The following ZNF160 variants were observed in gnomAD, a reference collection of about 807,000 sequenced individuals.
The protein encoded by ZNF160 is zinc finger protein 160, also known as KRAB zinc finger protein KR18.
In ZNF160, 9 loss-of-function variants were observed where a neutral mutation model predicts 13.1. That is an observed-to-expected ratio of 0.69 (90% CI 0.41 to 1.20). The LOEUF (loss-of-function observed/expected upper bound fraction) is 1.20. Among genes scored for constraint, ZNF160 ranks in the 50% most tolerant of loss-of-function variants. The pLI, the probability that ZNF160 is intolerant of heterozygous loss-of-function variation, is 0.01. For synonymous variants in ZNF160, 293 were observed against 333.2 expected (o/e 0.88, Z 1.31); for missense variants, 838 against 988.0 (o/e 0.85, Z 2.04).
chr19:53,099,937 C>T (rs1005109915), intron 1 of ZNF160, among the ~76,000 whole-genome samples: 5 of 152,200 alleles, frequency 3.3e-5, no homozygotes, highest in Admixed American at 1.3e-4. Context: ...TTTCTCACGC[C>T]TCCCCTGGAA....
intron 1 of ZNF160, among the ~76,000 whole-genome samples, chr19:53,102,190 A>T (rs1237752026): frequency 1.3e-5 from 2 of 151,508 alleles, no homozygotes. Context: ...TTTTCTTTCC[A>T]ATCTTTTCAT....
chr19:53,066,733 T>C lies in ZNF160; in HGVS notation c.*1344A>G, dbSNP rs1415817314. 1 of 152,224 alleles carries C rather than the reference T, an allele frequency of 6.6e-6. No individual in the cohort carries two copies. The highest frequency in any genetic ancestry group is 1.9e-4 in the East Asian group (1 of 5,192). The allele number at this position is 152,224 out of a possible 1,614,324, so 9.4% of individuals were successfully genotyped here. On this transcript the variant is annotated 3_prime_UTR_variant, in exon 6 of 6. Coordinates refer to ENST00000683776, the MANE Select transcript of ZNF160 (RefSeq NM_001322131.2). ...TGAGTTCTACTAAAGAATATGTTAC[T>C]CTACTTCTGTTGATTAAACTCTTCA...
Position 53,068,456 on chromosome 19 carries a change from G to T in ZNF160, c.2078C>A (p.Ala693Glu), listed in dbSNP as rs755029475. Residue 693 changes from alanine to glutamate, a missense_variant, in exon 6 of 6, where the codon GCA (alanine) becomes GAA (glutamate). Physicochemically the swap from Ala to Glu is moderately radical, Grantham distance 107. Coordinates refer to ENST00000683776, the MANE Select transcript of ZNF160 (RefSeq NM_001322131.2). The part of the protein sequence containing the change: ...GKVFTQNSHL[A>E]NHQRTHTGEK... ...TCCGGTGTGAGTCCTTTGATGATTT[G>T]CAAGGTGTGAGTTCTGAGTGAAGAC... is the stretch of plus-strand genomic sequence containing the variant. 3 of 1,613,842 alleles carry T rather than the reference G, an allele frequency of 1.9e-6. No individual in the cohort carries two copies. In the South Asian group the frequency reaches 3.3e-5, roughly 18 times the overall value.
At chr19:53,098,928 CACAGGA>C (rs1309386829) in intron 1 of ZNF160, among the ~76,000 whole-genome samples, 2 of 150,366 alleles carry the variant, frequency 1.3e-5, no homozygotes, top group Non-Finnish European at 2.9e-5. Flanking sequence ...AATAAATAGC[CACAGGA>C]AGTTTAGACC....
intron 1 of ZNF160, among the ~76,000 whole-genome samples, chr19:53,098,957 A>C (rs1422980491): frequency 6.7e-6 from 1 of 149,982 alleles, no homozygotes; most frequent in Admixed American, 6.6e-5. Flanking sequence ...TTACGGATGA[A>C]ATTTCCAGAA....
At chr19:53,075,382 T>C in intron 3 of ZNF160, 199 bp from the exon 4 acceptor site, 2 of 601,004 alleles carry the variant, frequency 3.3e-6, no homozygotes, top group South Asian at 4.0e-5. Flanking sequence ...ATCAGTGGAG[T>C]GATAAGTATC....
At position 53,067,249 on chromosome 19, in the gene ZNF160, G is replaced by A. The variant is rs1013764828; in HGVS notation, c.*828C>T. 3.3e-5 allele frequency: 5 copies of A among 152,092 alleles called. No homozygotes were observed. The highest frequency in any genetic ancestry group is 1.2e-4 in the African/African-American group (5 of 41,410). 9.4% of individuals were successfully genotyped at this position (152,092 alleles called of 1,614,324 possible). A position where few individuals can be genotyped will look rare whatever the true frequency, so the allele number is the denominator to read the frequency against. On this transcript the variant is annotated 3_prime_UTR_variant, in exon 6 of 6. Transcript: ENST00000683776. ...TCCCACAAAAATCCCAATGTCCTAA[G>A]GTCTTGGCCTGCTCCATTTCATGTT...
chr19:53,078,789 G>C (rs1320660333), intron 3 of ZNF160, among the ~76,000 whole-genome samples: 2 of 124,280 alleles, frequency 1.6e-5, no homozygotes, highest in Non-Finnish European at 3.3e-5. Context: ...AAGGCAACTG[G>C]AGCAGCAATC....
At chr19:53,078,510 G>A (rs2084496564) in intron 3 of ZNF160, among the ~76,000 whole-genome samples, 1 of 152,104 alleles carries the variant, frequency 6.6e-6, no homozygotes. Flanking sequence ...GGAGGCTGAG[G>A]CAGAAGAATC....
At chr19:53,080,943 G>A (rs1409931482) in intron 3 of ZNF160, among the ~76,000 whole-genome samples, 1 of 151,956 alleles carries the variant, frequency 6.6e-6, no homozygotes, top group East Asian at 1.9e-4. Context: ...TGATCTTCAA[G>A]AAAATCAACA....
rs975452010 is a variant in ZNF160, at chr19:53,072,316, G to A, written c.271+1824C>T. Reference sequence around the variant, plus strand: ...AGGATTTCACCATGTTGGTCGGGCCGGTCTCGAACTCCTGACCTTGTTATC... The same window carrying A: ...AGGATTTCACCATGTTGGTCGGGCCAGTCTCGAACTCCTGACCTTGTTATC... On this transcript the variant is annotated intron_variant, in intron 5 of 5. Transcript: ENST00000683776. Among the ~76,000 whole-genome samples, 14 of 152,140 alleles carry A rather than the reference G, an allele frequency of 9.2e-5. 1 individual carries two copies. The highest frequency in any genetic ancestry group is 2.6e-4 in the Admixed American group (4 of 15,280).
At chr19:53,084,807 C>T (rs1163636540) in intron 3 of ZNF160, 1 of 152,086 alleles carries the variant, frequency 6.6e-6, no homozygotes, top group Non-Finnish European at 1.5e-5. Context: ...ACCTCTGCAC[C>T]TGGGGTAGGG....
chr19:53,100,924 A>C (rs2085424351), intron 1 of ZNF160, among the ~76,000 whole-genome samples: 1 of 151,666 alleles, frequency 6.6e-6, no homozygotes, highest in Non-Finnish European at 1.5e-5. Flanking sequence ...TGGAGGTGGC[A>C]GTGAGCCAAG....
chr19:53,069,979 A>G lies in ZNF160; in HGVS notation c.555T>C (p.Phe185=). The G allele has an allele frequency of 6.2e-7, 1 of 1,614,156 alleles. No homozygotes were observed. The highest frequency in any genetic ancestry group is 2.2e-5 in the East Asian group (1 of 44,880). Residue 185 remains phenylalanine (F), a synonymous_variant, in exon 6 of 6, where the codon TTT becomes TTC. Coordinates refer to ENST00000683776, the MANE Select transcript of ZNF160 (RefSeq NM_001322131.2). The surrounding 1 kb of genome is among the most constrained non-coding windows in gnomAD (Gnocchi z 4.4). ...KLMNNQLGVS[F]HSHLPELQLF... is the part of the protein sequence containing the mutation. ...GCTGCAGTTCAGGCAGATGAGAATG[A>G]AAGCTTACTCCAAGCTGATTGTTCA... is the stretch of plus-strand genomic sequence containing the variant.
At chr19:53,094,090 T>C (rs1049967753) in intron 1 of ZNF160, among the ~76,000 whole-genome samples, 2 of 152,204 alleles carry the variant, frequency 1.3e-5, no homozygotes, top group African/African-American at 4.8e-5. Context: ...CGAAAGCTTC[T>C]TGATCTACAA....
At chr19:53,073,651 A>C (rs2084268949) in intron 5 of ZNF160, 2 of 1,185,632 alleles carry the variant, frequency 1.7e-6, no homozygotes, top group Non-Finnish European at 1.1e-6. Context: ...ACCAAGAAAG[A>C]AAGCAGTTTC....
chr19:53,069,338 C>T lies in ZNF160; in HGVS notation c.1196G>A (p.Cys399Tyr). ...ACTAAAGGCTTTGCCGCACTCATTG[C>T]ACTTGTAAGGTTTCTCTCCAGTGTG... is the stretch of plus-strand genomic sequence containing the variant. ...RIHTGEKPYK[C>Y]NECGKAFSVR... The change falls in exon 6 of 6, where the codon TGC (cysteine) becomes TAC (tyrosine). Residue 399 changes from cysteine to tyrosine, a missense_variant. Coordinates refer to ENST00000683776, the MANE Select transcript of ZNF160 (RefSeq NM_001322131.2). The surrounding 1 kb of genome is among the most constrained non-coding windows in gnomAD (Gnocchi z 4.4). The T allele has an allele frequency of 6.2e-7, 1 of 1,613,940 alleles. No individual in the cohort carries two copies. Among genetic ancestry groups the T allele is most frequent in the Non-Finnish European group, 8.5e-7 (1 of 1,179,838 alleles).
rs888354568 is a variant in ZNF160, at chr19:53,068,204, G to A, written c.2330C>T (p.Thr777Ile). 9 of 1,614,080 alleles carry A rather than the reference G, an allele frequency of 5.6e-6. No individual in the cohort carries two copies. Among genetic ancestry groups the A allele is most frequent in the Non-Finnish European group, 5.9e-6 (7 of 1,180,038 alleles). ...TCCAGTGTGGATTGCCATATGGGTA[G>A]TTAGACTTGATCTTACCCTAAAGGC... ...GKAFRVRSSL[T>I]THMAIHTGEK... Residue 777 changes from threonine to isoleucine, a missense_variant, in exon 6 of 6, where the codon ACT (threonine) becomes ATT (isoleucine). Thr to Ile is a moderately conservative substitution (Grantham distance 89). Coordinates refer to ENST00000683776, the MANE Select transcript of ZNF160 (RefSeq NM_001322131.2).
intron 1 of ZNF160, among the ~76,000 whole-genome samples, chr19:53,098,820 G>A (rs1286324034): frequency 6.7e-6 from 1 of 149,074 alleles, no homozygotes; most frequent in Non-Finnish European, 1.5e-5. Context: ...CCCGGGAGCT[G>A]GAGTAAGGCG....
Sources: gnomAD v4.1 joint callset for allele counts (sites outside exome capture counted in the v4.1 genomes callset) on GRCh38, gnomAD v4.1.1 for gene constraint, Gnocchi (gnomAD v3.1) non-coding constraint, MANE v1.5 for transcripts, NCBI Gene and HGNC (gene_info 2026-07-23, HGNC 2026-07-21) for gene names.